Variants in OR7C1 observed in about 807,000 individuals in gnomAD.
OR7C1 encodes the protein olfactory receptor family 7 subfamily C member 1, also known as olfactory receptor 7C1.
For missense variants in OR7C1, 324 were observed against 383.3 expected, an observed-to-expected ratio of 0.85 and a Z score of 1.29; for synonymous variants, 152 against 160.7, an observed-to-expected ratio of 0.95 and a Z score of 0.41.
At chr19:14,828,236 T>C in intron 1 of OR7C1, 1 of 1,608,506 alleles carries the variant, frequency 6.2e-7, no homozygotes, top group Non-Finnish European at 8.5e-7. Context: ...CATTTCCTGG[T>C]TCCATTTGAT....
At chr19:14,810,253 C>T (rs1297666372) in intron 1 of OR7C1, among the ~76,000 whole-genome samples, 3 of 151,890 alleles carry the variant, frequency 2.0e-5, no homozygotes, top group South Asian at 2.1e-4. Flanking sequence ...AATGACCCCT[C>T]TTCCAGGGCA....
chr19:14,831,873 G>T (rs1297170395), intron 1 of OR7C1, among the ~76,000 whole-genome samples: 2 of 151,784 alleles, frequency 1.3e-5, no homozygotes, highest in African/African-American at 4.8e-5. Flanking sequence ...ATTAAATTTT[G>T]CACACGTCAT....
intron 2 of OR7C1, among the ~76,000 whole-genome samples, chr19:14,802,525 TAATAATTAA>T (rs2044646873): frequency 3.3e-5 from 5 of 152,170 alleles, no homozygotes; most frequent in African/African-American, 4.8e-5. Flanking sequence ...TGTCTCCAAA[TAATAATTAA>T]AGAAAGATAA....
chr19:14,821,147 A>C (rs2044739329), intron 1 of OR7C1, among the ~76,000 whole-genome samples: 1 of 152,204 alleles, frequency 6.6e-6, no homozygotes, highest in Non-Finnish European at 1.5e-5. Flanking sequence ...CTGAGGCAGG[A>C]GAATCGTTTG....
intron 1 of OR7C1, among the ~76,000 whole-genome samples, chr19:14,829,063 T>C (rs2044805191): frequency 6.6e-6 from 1 of 152,214 alleles, no homozygotes; most frequent in Non-Finnish European, 1.5e-5. Flanking sequence ...GTTTGTTTGC[T>C]GATTATTATT....
exon 5 of OR7C1, chr19:14,799,768 G>C (rs750589870): frequency 1.2e-6 from 2 of 1,613,932 alleles, no homozygotes; most frequent in Admixed American, 1.7e-5. Context: ...AGACGGCCAC[G>C]AAGCGGTCAT....
At chr19:14,801,786 G>C (rs1313599550) in intron 2 of OR7C1, among the ~76,000 whole-genome samples, 1 of 152,166 alleles carries the variant, frequency 6.6e-6, no homozygotes, top group African/African-American at 2.4e-5. Context: ...TTTTTCACAT[G>C]GCAGCAGAGA....
intron 2 of OR7C1, among the ~76,000 whole-genome samples, chr19:14,801,051 C>T (rs2044639472): frequency 6.6e-6 from 1 of 152,184 alleles, no homozygotes; most frequent in Non-Finnish European, 1.5e-5. Flanking sequence ...TTTCCTAGTG[C>T]ATGCCAATGA....
chr19:14,829,100 G>T (rs1479620911), intron 1 of OR7C1, among the ~76,000 whole-genome samples: 1 of 152,164 alleles, frequency 6.6e-6, no homozygotes, highest in East Asian at 1.9e-4. Flanking sequence ...GGTGATGTTT[G>T]AAAAAAGATC....
intron 1 of OR7C1, among the ~76,000 whole-genome samples, chr19:14,816,160 G>C (rs879818037): frequency 6.6e-6 from 1 of 152,008 alleles, no homozygotes; most frequent in Non-Finnish European, 1.5e-5. Flanking sequence ...TCAGTGAAAG[G>C]AGCGTACCCC....
At chr19:14,803,555 G>A (rs552370794) in intron 2 of OR7C1, among the ~76,000 whole-genome samples, 54 of 152,094 alleles carry the variant, frequency 3.6e-4, no homozygotes, top group African/African-American at 1.1e-3. Context: ...GCATTCACCC[G>A]TGCAGGGTTC....
intron 1 of OR7C1, among the ~76,000 whole-genome samples, chr19:14,816,871 G>A (rs141816789): frequency 6.6e-6 from 1 of 152,032 alleles, no homozygotes; most frequent in South Asian, 2.1e-4. Context: ...TAAATAATTG[G>A]GTTCACCTAA....
chr19:14,829,585 A>G (rs976542860), intron 1 of OR7C1, among the ~76,000 whole-genome samples: 8 of 152,204 alleles, frequency 5.3e-5, no homozygotes, highest in African/African-American at 1.9e-4. Context: ...GTGATGGGAC[A>G]TGGTGTCAGA....
chr19:14,829,683 T>C (rs78754284), intron 1 of OR7C1, among the ~76,000 whole-genome samples: 6,078 of 152,310 alleles, frequency 0.04, 195 homozygotes, highest in African/African-American at 0.089. Flanking sequence ...CTGCACTTTA[T>C]TAACTGGACT....
At chr19:14,831,878 C>T (rs904227218) in intron 1 of OR7C1, among the ~76,000 whole-genome samples, 1 of 152,036 alleles carries the variant, frequency 6.6e-6, no homozygotes, top group Non-Finnish European at 1.5e-5. Context: ...ATTTTGCACA[C>T]GTCATGACTA....
chr19:14,810,676 C>T (rs950789429), intron 1 of OR7C1, among the ~76,000 whole-genome samples: 6 of 151,654 alleles, frequency 4.0e-5, no homozygotes, highest in Admixed American at 2.6e-4. Context: ...TGAGCCATGG[C>T]GCCAGGCCCG....
chr19:14,820,517 T>A (rs1238203287), intron 1 of OR7C1, among the ~76,000 whole-genome samples: 1 of 152,006 alleles, frequency 6.6e-6, no homozygotes, highest in East Asian at 1.9e-4. Flanking sequence ...TATAGCTATG[T>A]AACAAACCTG....
At chr19:14,825,848 T>G (rs144199042) in intron 1 of OR7C1, 2 of 152,570 alleles carry the variant, frequency 1.3e-5, no homozygotes, top group African/African-American at 4.8e-5. Context: ...AGCATCATCT[T>G]AAACCATTTA....
chr19:14,819,427 T>C (rs1178841819), intron 1 of OR7C1, among the ~76,000 whole-genome samples: 2 of 152,156 alleles, frequency 1.3e-5, no homozygotes, highest in Non-Finnish European at 2.9e-5. Flanking sequence ...GGTATTTGGT[T>C]TTCTGTTCCT....
Sources: allele counts gnomAD v4.1 joint callset (sites outside exome capture counted in the v4.1 genomes callset), GRCh38; gene constraint gnomAD v4.1.1; transcripts MANE v1.5; gene names NCBI Gene and HGNC (gene_info 2026-07-23, HGNC 2026-07-21).